Variants in DNAAF9 observed in about 807,000 individuals in gnomAD.
DNAAF9 encodes dynein axonemal assembly factor 9, also known as shulin.
In DNAAF9, 90 loss-of-function variants were observed where a neutral mutation model predicts 167.0. The observed-to-expected ratio is 0.54, with a 90% CI of 0.45 to 0.64. The LOEUF (loss-of-function observed/expected upper bound fraction) is 0.64. Ranked by LOEUF, DNAAF9 falls within the 30% of genes least tolerant of loss-of-function variation. DNAAF9 has a pLI of 0.00. For missense variants in DNAAF9, 1,315 were observed against 1,442.2 expected (o/e 0.91, Z 1.43); for synonymous variants, 491 against 508.8 (o/e 0.96, Z 0.47).
intron 3 of DNAAF9, among the ~76,000 whole-genome samples, chr20:3,379,769 G>C (rs556470441): frequency 6.6e-6 from 1 of 152,080 alleles, no homozygotes; most frequent in African/African-American, 2.4e-5. Flanking sequence ...CAGGTAAAAA[G>C]ATAAAAACAG....
intron 1 of DNAAF9, among the ~76,000 whole-genome samples, chr20:3,402,327 G>A (rs373149788): frequency 4.0e-5 from 6 of 151,738 alleles, no homozygotes; most frequent in African/African-American, 1.5e-4. Context: ...TATACATTGC[G>A]GAAAAGTTAA....
intron 1 of DNAAF9, among the ~76,000 whole-genome samples, chr20:3,382,797 G>T (rs2083677919): frequency 6.6e-6 from 1 of 152,164 alleles, no homozygotes; most frequent in Non-Finnish European, 1.5e-5. Context: ...ATGGTCAATG[G>T]TGGAAAGGAT....
chr20:3,306,531 G>A (rs1213027735), intron 20 of DNAAF9, among the ~76,000 whole-genome samples: 3 of 152,210 alleles, frequency 2.0e-5, no homozygotes, highest in Admixed American at 2.0e-4. Flanking sequence ...TAGGACAGAT[G>A]AGAAAACTCA....
intron 7 of DNAAF9, among the ~76,000 whole-genome samples, chr20:3,354,156 T>G (rs890603981): frequency 1.3e-5 from 2 of 152,204 alleles, no homozygotes; most frequent in African/African-American, 4.8e-5. Context: ...GATTCAAGAC[T>G]AACAAGCAGC....
chr20:3,340,508 T>C lies in DNAAF9; in HGVS notation c.977A>G (p.His326Arg), dbSNP rs1435912102. The C allele has an allele frequency of 7.2e-7, 1 of 1,381,736 alleles. No individual in the cohort carries two copies. Among genetic ancestry groups the C allele is most frequent in the African/African-American group, 1.6e-5 (1 of 62,762 alleles). 85.6% of individuals were successfully genotyped at this position (1,381,736 alleles called of 1,614,324 possible). Residue 326 changes from histidine (H) to arginine (R), a missense_variant, in exon 10 of 37, where the codon CAC becomes CGC. Transcript: ENST00000252032. ...STGPGGSFAKHMVAQCVSPKG... is the reference protein window; with the variant it reads ...STGPGGSFAKRMVAQCVSPKG... ...CCAGGCAGTCCAGCCACTTACCATG[T>C]GCTTGGCAAAGCTCCCGCCGGGACC...
Position 3,330,652 on chromosome 20 carries a change from T to C in DNAAF9, c.1094A>G (p.Glu365Gly). ...GGDSKLPKKTEQIRLLSQIYA... is the reference protein window; with the variant it reads ...GGDSKLPKKTGQIRLLSQIYA... ...ATAAAATATGAAGACTTACATTTGT[T>C]CAGTTTTCTTGGGCAGCTTGCTGTC... is the stretch of plus-strand genomic sequence containing the variant. Residue 365 changes from glutamate (E) to glycine (G), a missense_variant, in exon 12 of 37, where the codon GAA becomes GGA. This residue lies in a region of DNAAF9 where 981 missense variants were observed against 1,012.5 expected (regional missense o/e 0.97). Transcript: ENST00000252032. 1 of 1,594,190 alleles carries C rather than the reference T, an allele frequency of 6.3e-7. No homozygotes were observed. The highest frequency in any genetic ancestry group is 8.6e-7 in the Non-Finnish European group (1 of 1,163,544).
intron 1 of DNAAF9, among the ~76,000 whole-genome samples, chr20:3,406,180 AG>A (rs1197299438): frequency 5.9e-5 from 9 of 152,238 alleles, no homozygotes; most frequent in African/African-American, 2.2e-4. Flanking sequence ...GAAGTAAAAA[AG>A]AAACAGGTTT....
intron 9 of DNAAF9, among the ~76,000 whole-genome samples, chr20:3,341,894 C>A (rs1360696028): frequency 6.6e-6 from 1 of 152,178 alleles, no homozygotes; most frequent in Non-Finnish European, 1.5e-5. Flanking sequence ...TCTCCTGCCT[C>A]AGCCTCCCGA....
chr20:3,350,140 GACACACAGACACACAGACACACACACAC>G (rs1382656692), intron 7 of DNAAF9, among the ~76,000 whole-genome samples: 5 of 115,704 alleles, frequency 4.3e-5, no homozygotes, highest in Admixed American at 8.7e-5. Context: ...CAGACACACA[GACACACAGACACACAGACACACACACAC>G]ACACACACAC....
intron 3 of DNAAF9, among the ~76,000 whole-genome samples, chr20:3,380,226 C>T (rs990675851): frequency 6.6e-5 from 10 of 151,812 alleles, no homozygotes; most frequent in East Asian, 1.9e-4. Context: ...TGTTGTATAG[C>T]GTAAGGAAAA....
chr20:3,366,561 A>G (rs1451564190), intron 6 of DNAAF9, among the ~76,000 whole-genome samples: 2 of 152,208 alleles, frequency 1.3e-5, no homozygotes, highest in Non-Finnish European at 1.5e-5. Context: ...TAAAGTCACC[A>G]GCTGCACTGG....
chr20:3,341,829 G>A (rs948496647), intron 9 of DNAAF9, among the ~76,000 whole-genome samples: 1 of 152,102 alleles, frequency 6.6e-6, no homozygotes, highest in Non-Finnish European at 1.5e-5. Context: ...CCAGGCTGGA[G>A]TGCAGTGGCG....
At chr20:3,386,047 G>T (rs1198909905) in intron 1 of DNAAF9, among the ~76,000 whole-genome samples, 2 of 152,184 alleles carry the variant, frequency 1.3e-5, no homozygotes, top group Non-Finnish European at 2.9e-5. Context: ...CAGCTACTAG[G>T]AGGCTAAGAT....
intron 27 of DNAAF9, among the ~76,000 whole-genome samples, chr20:3,284,015 T>C (rs6051710): frequency 0.25 from 38,002 of 151,770 alleles, 5,352 homozygotes; most frequent in African/African-American, 0.37. Flanking sequence ...GGGCACTGCC[T>C]CAAGAGAGAA....
At chr20:3,378,770 T>G (rs2083607996) in intron 3 of DNAAF9, among the ~76,000 whole-genome samples, 1 of 152,098 alleles carries the variant, frequency 6.6e-6, no homozygotes. Flanking sequence ...CAAAAACATC[T>G]TATAAGCCCA....
intron 13 of DNAAF9, among the ~76,000 whole-genome samples, chr20:3,325,450 C>G (rs530435783): frequency 1.4e-4 from 22 of 152,280 alleles, no homozygotes; most frequent in Admixed American, 3.3e-4. Context: ...TTTGGATAAG[C>G]CTTCTGCATG....
chr20:3,350,959 G>A (rs1162846265), intron 7 of DNAAF9, among the ~76,000 whole-genome samples: 1 of 152,026 alleles, frequency 6.6e-6, no homozygotes, highest in Non-Finnish European at 1.5e-5. Context: ...GTGAATTGAG[G>A]ATCTAATTAA....
intron 7 of DNAAF9, among the ~76,000 whole-genome samples, chr20:3,354,888 G>A (rs2123159694): frequency 6.6e-6 from 1 of 152,310 alleles, no homozygotes; most frequent in African/African-American, 2.4e-5. Context: ...CTAGGAAAGA[G>A]CATGTTCTAC....
intron 25 of DNAAF9, among the ~76,000 whole-genome samples, chr20:3,290,827 C>T (rs1233096110): frequency 6.8e-6 from 1 of 146,496 alleles, no homozygotes; most frequent in Non-Finnish European, 1.5e-5. Flanking sequence ...CTCACTCTGT[C>T]GCCCAGGCTG....
Sources: allele counts gnomAD v4.1 joint callset (sites outside exome capture counted in the v4.1 genomes callset), GRCh38; gene constraint gnomAD v4.1.1; regional missense constraint gnomAD v4.1.1; transcripts MANE v1.5; gene names NCBI Gene and HGNC (gene_info 2026-07-23, HGNC 2026-07-21).